The following OPCML variants were observed in gnomAD, a reference collection of about 807,000 sequenced individuals.
OPCML encodes opioid binding protein/cell adhesion molecule like.
Under a neutral mutation model 37.8 loss-of-function variants are expected in OPCML, and 13 were observed. That is an observed-to-expected ratio of 0.34 (90% confidence interval 0.22 to 0.55). The LOEUF (loss-of-function observed/expected upper bound fraction) is 0.55. OPCML is among the 20% of genes least tolerant of loss of function. The pLI is 0.91. For synonymous variants in OPCML, 176 were observed against 168.8 expected, an observed-to-expected ratio of 1.04 and a Z score of -0.33; for missense variants, 341 against 435.6, an observed-to-expected ratio of 0.78 and a Z score of 1.93.
At chr11:132,869,480 A>T (rs979099232) in intron 2 of OPCML, among the ~76,000 whole-genome samples, 3 of 152,190 alleles carry the variant, frequency 2.0e-5, no homozygotes, top group Non-Finnish European at 4.4e-5. Flanking sequence ...CATCTGAATA[A>T]AAATACTTAC....
chr11:133,417,988 C>T, intron 1 of OPCML: 6 of 816,682 alleles, frequency 7.3e-6, no homozygotes, highest in Non-Finnish European at 8.9e-6. Flanking sequence ...AGCTTTGTTC[C>T]TTGCGAGACG....
intron 3 of OPCML, among the ~76,000 whole-genome samples, chr11:132,563,355 G>C (rs78000582): frequency 0.024 from 3,722 of 152,122 alleles, 110 homozygotes; most frequent in East Asian, 0.055. Context: ...ATAAGTGTGA[G>C]TGAGAAAGAG....
intron 1 of OPCML, among the ~76,000 whole-genome samples, chr11:133,015,497 A>G (rs1424830994): frequency 6.6e-6 from 1 of 151,714 alleles, no homozygotes; most frequent in Non-Finnish European, 1.5e-5. Flanking sequence ...GGAAGGAAGG[A>G]AAGAAAGTCA....
chr11:133,147,875 T>A (rs147931361), intron 1 of OPCML, among the ~76,000 whole-genome samples: 51 of 152,320 alleles, frequency 3.3e-4, no homozygotes, highest in African/African-American at 1.2e-3. Flanking sequence ...AAAGACGGAA[T>A]GATGATGGCA....
At chr11:133,490,637 C>T (rs1312237184) in intron 1 of OPCML, among the ~76,000 whole-genome samples, 1 of 152,220 alleles carries the variant, frequency 6.6e-6, no homozygotes, top group Non-Finnish European at 1.5e-5. Context: ...TGCCACTCCT[C>T]TGTGGACAAT....
intron 2 of OPCML, among the ~76,000 whole-genome samples, chr11:132,890,730 G>GC (rs993789217): frequency 3.3e-5 from 5 of 149,568 alleles, no homozygotes; most frequent in African/African-American, 1.2e-4. Context: ...GGTGGTGGGC[G>GC]CCTGTAGTCC....
chr11:133,469,684 C>T (rs551237224), intron 1 of OPCML, among the ~76,000 whole-genome samples: 3 of 152,254 alleles, frequency 2.0e-5, no homozygotes, highest in South Asian at 2.1e-4. Flanking sequence ...CAGACTCCTC[C>T]GTCTGACCCA....
At chr11:132,695,255 G>C (rs1943561172) in intron 2 of OPCML, among the ~76,000 whole-genome samples, 4 of 152,208 alleles carry the variant, frequency 2.6e-5, no homozygotes, top group Admixed American at 2.6e-4. Context: ...TTGGGAGTTG[G>C]AGTCAAGTAA....
chr11:133,154,933 C>T (rs1367043048), intron 1 of OPCML, among the ~76,000 whole-genome samples: 1 of 152,184 alleles, frequency 6.6e-6, no homozygotes, highest in Non-Finnish European at 1.5e-5. Context: ...AGAACCGTTG[C>T]TTGTGTCTTT....
intron 2 of OPCML, among the ~76,000 whole-genome samples, chr11:132,667,587 A>C (rs1942277726): frequency 6.6e-6 from 1 of 152,238 alleles, no homozygotes; most frequent in Admixed American, 6.5e-5. Context: ...GATATAAAGT[A>C]TATGAAGGAA....
chr11:132,972,858 T>A (rs1406613200), intron 1 of OPCML, among the ~76,000 whole-genome samples: 1 of 152,110 alleles, frequency 6.6e-6, no homozygotes, highest in Admixed American at 6.5e-5. Context: ...CTGTACTCAT[T>A]CCACAGACCA....
chr11:132,937,874 A>G (rs1466800971), intron 2 of OPCML, among the ~76,000 whole-genome samples: 1 of 151,618 alleles, frequency 6.6e-6, no homozygotes, highest in Non-Finnish European at 1.5e-5. Flanking sequence ...CACTAGTACT[A>G]CTGCTCTTCA....
chr11:132,896,527 T>C (rs1431069476), intron 2 of OPCML, among the ~76,000 whole-genome samples: 4 of 152,208 alleles, frequency 2.6e-5, no homozygotes, highest in African/African-American at 7.2e-5. Flanking sequence ...AACTGGCAAA[T>C]ACCTTTTTCT....
intron 1 of OPCML, among the ~76,000 whole-genome samples, chr11:133,388,262 C>T (rs1945099933): frequency 2.0e-5 from 3 of 152,184 alleles, no homozygotes; most frequent in Non-Finnish European, 4.4e-5. Flanking sequence ...GGTAAGCACA[C>T]AGAGACACAC....
chr11:132,515,340 TCTC>T (rs1373939159), intron 4 of OPCML, among the ~76,000 whole-genome samples: 1 of 152,150 alleles, frequency 6.6e-6, no homozygotes, highest in East Asian at 1.9e-4. Context: ...ACTTCATTGA[TCTC>T]CTTCTTTGAT....
At chr11:132,969,743 A>G (rs1191182729) in intron 1 of OPCML, among the ~76,000 whole-genome samples, 1 of 152,214 alleles carries the variant, frequency 6.6e-6, no homozygotes. Context: ...TTTCAAATAC[A>G]GAATTTACCA....
At chr11:132,929,788 GA>G (rs1358186887) in intron 2 of OPCML, among the ~76,000 whole-genome samples, 1 of 151,800 alleles carries the variant, frequency 6.6e-6, no homozygotes, top group Non-Finnish European at 1.5e-5. Context: ...CCAGTTGAAG[GA>G]AAAAACAAAA....
chr11:132,675,483 A>T (rs1942662863), intron 2 of OPCML, among the ~76,000 whole-genome samples: 1 of 152,060 alleles, frequency 6.6e-6, no homozygotes, highest in African/African-American at 2.4e-5. Flanking sequence ...GTTTGGAAAG[A>T]AACAATTAAA....
intron 1 of OPCML, among the ~76,000 whole-genome samples, chr11:133,046,947 A>T (rs1157713775): frequency 1.0e-5 from 1 of 98,890 alleles, no homozygotes; most frequent in Non-Finnish European, 1.9e-5. Flanking sequence ...TTAACTTTAC[A>T]ATTTTTTTTT....
Sources: allele counts gnomAD v4.1 joint callset (sites outside exome capture counted in the v4.1 genomes callset), GRCh38; gene constraint gnomAD v4.1.1; transcripts MANE v1.5; gene names NCBI Gene and HGNC (gene_info 2026-07-23, HGNC 2026-07-21).